The following ATP8B4 variants were observed in gnomAD, a reference collection of about 807,000 sequenced individuals.
ATP8B4 encodes the protein ATPase phospholipid transporting 8B4 (putative).
ATP8B4 carries 133 observed loss-of-function variants against 145.6 expected under a neutral mutation model. The observed-to-expected ratio is 0.91, with a 90% confidence interval of 0.79 to 1.05. ATP8B4 has a LOEUF of 1.05. Ranked by LOEUF, ATP8B4 falls within the 50% of genes least tolerant of loss-of-function variation. The probability of loss-of-function intolerance (pLI) is 0.00; values close to 1 mark genes in which losing one functional copy is unlikely to be tolerated. For missense variants in ATP8B4, 1,458 were observed against 1,425.2 expected (o/e 1.02, Z -0.37); for synonymous variants, 507 against 492.9 (o/e 1.03, Z -0.38).
chr15:50,068,294 G>A (rs1194304088), intron 3 of ATP8B4, among the ~76,000 whole-genome samples: 1 of 152,148 alleles, frequency 6.6e-6, no homozygotes, highest in Non-Finnish European at 1.5e-5. Flanking sequence ...TGACTGCTGG[G>A]GGTTGGAGGT....
At chr15:50,018,241 G>A (rs2049252772) in intron 6 of ATP8B4, among the ~76,000 whole-genome samples, 1 of 152,164 alleles carries the variant, frequency 6.6e-6, no homozygotes, top group South Asian at 2.1e-4. Context: ...GCCCGCCTCA[G>A]CCTCCCAAAG....
At position 50,074,161 on chromosome 15, in the gene ATP8B4, T is replaced by A. The variant is rs1337043231; in HGVS notation, c.53A>T (p.Asn18Ile). 6.2e-7 allele frequency: 1 copy of A among 1,613,184 alleles called. No individual in the cohort carries two copies. Among genetic ancestry groups the A allele is most frequent in the South Asian group, 1.1e-5 (1 of 91,012 alleles). ...LREVERIVKA[N>I]DREYNEKFQY... ...GAACTTTTCATTATATTCACGGTCA[T>A]TGGCTTTCACTATCCGTTCCACTTC... Residue 18 changes from asparagine (N) to isoleucine (I), a missense_variant, in exon 3 of 28, where the codon AAT becomes ATT. By Grantham distance (149) the Asn-to-Ile change is moderately radical. Coordinates refer to ENST00000284509, the MANE Select transcript of ATP8B4 (RefSeq NM_024837.4).
At position 49,934,026 on chromosome 15, in the gene ATP8B4, T is replaced by A. The variant is rs116566651; in HGVS notation, c.1444A>T (p.Asn482Tyr). 26 of 1,602,914 alleles carry A rather than the reference T, an allele frequency of 1.6e-5. No homozygotes were observed. In the African/African-American group the frequency reaches 3.4e-4, roughly 21 times the overall value. The change falls in exon 15 of 28, where the codon AAT (asparagine) becomes TAT (tyrosine). Residue 482 changes from asparagine (N) to tyrosine (Y), a missense_variant. Physicochemically the swap from Asn to Tyr is moderately radical, Grantham distance 143 (BLOSUM62 -2). Transcript: ENST00000284509. Reference protein sequence around the residue: ...ALCHTVMSEENSAGELIYQVQ... With the variant: ...ALCHTVMSEEYSAGELIYQVQ... Reference sequence around the variant, plus strand: ...ATAACTTTTCACTTACCTGCGCTATTCTCTTCTGACATTACAGTGTGGCAG... The same window carrying A: ...ATAACTTTTCACTTACCTGCGCTATACTCTTCTGACATTACAGTGTGGCAG...
chr15:49,907,643 A>G (rs1024515710), intron 20 of ATP8B4, among the ~76,000 whole-genome samples: 25 of 152,176 alleles, frequency 1.6e-4, no homozygotes, highest in African/African-American at 6.0e-4. Flanking sequence ...CCCCCAAATA[A>G]AATAAGATAT....
upstream of ATP8B4, among the ~76,000 whole-genome samples, chr15:50,123,836 T>C (rs2057289912): frequency 6.6e-6 from 1 of 152,164 alleles, no homozygotes; most frequent in Non-Finnish European, 1.5e-5. Context: ...TCCAACCATC[T>C]GTCTTCTCCT....
chr15:49,879,295 TTG>T (rs2035010351), intron 24 of ATP8B4, 79 bp downstream of exon 24: 1 of 1,246,626 alleles, frequency 8.0e-7, no homozygotes. Flanking sequence ...CTACTTAGAA[TTG>T]TGTTTTCTAC....
Position 49,879,362 on chromosome 15 carries a change from G to GA in ATP8B4, c.2781+13dup, listed in dbSNP as rs3840014. On this transcript the variant is annotated intron_variant, in intron 24 of 27. Transcript: ENST00000284509. ...AAAGAGAAACTAAGTTATAAAGATG[G>GA]AAAAAAAACATACCTGGTCAAAAAT... is the stretch of plus-strand genomic sequence containing the variant. The GA allele has an allele frequency of 1.1e-5, 18 of 1,593,278 alleles. No individual in the cohort carries two copies. Among genetic ancestry groups the GA allele is most frequent in the African/African-American group, 6.8e-5 (5 of 73,696 alleles).
At chr15:49,951,853 G>C (rs1474104512) in intron 14 of ATP8B4, among the ~76,000 whole-genome samples, 3 of 152,038 alleles carry the variant, frequency 2.0e-5, no homozygotes, top group African/African-American at 7.3e-5. Context: ...TCCATATTCA[G>C]TGTTTCTTTC....
At chr15:50,121,813 G>A (rs1404122408), upstream of ATP8B4, among the ~76,000 whole-genome samples, 1 of 152,094 alleles carries the variant, frequency 6.6e-6, no homozygotes, top group Admixed American at 6.6e-5. Flanking sequence ...TTTGACAAAC[G>A]TCCTTTATGT....
At position 49,947,822 on chromosome 15, in the gene ATP8B4, A is replaced by G. The variant is rs549899556; in HGVS notation, c.1288-13640T>C. Among the ~76,000 whole-genome samples the G allele has an allele frequency of 2.6e-3, 394 of 152,288 alleles. 1 individual carries two copies. The highest frequency in any genetic ancestry group is 9.0e-3 in the African/African-American group (374 of 41,560). On this transcript the variant is annotated intron_variant, in intron 14 of 27. Transcript: ENST00000284509. ...ATAGAGAACACAGAAATAAACCCAC[A>G]CATAAACAGATGAATGAATTTCAAC...
chr15:50,003,658 G>A (rs1034342849), intron 7 of ATP8B4, among the ~76,000 whole-genome samples: 1 of 152,116 alleles, frequency 6.6e-6, no homozygotes, highest in Non-Finnish European at 1.5e-5. Flanking sequence ...GTCAGTCTAT[G>A]GGCCTGCACC....
intron 1 of ATP8B4, among the ~76,000 whole-genome samples, chr15:50,163,513 T>C (rs1172973635): frequency 6.6e-6 from 1 of 152,212 alleles, no homozygotes; most frequent in East Asian, 1.9e-4. Flanking sequence ...GAGTTGCCTG[T>C]AGCTGAGTGA....
chr15:49,891,439 C>T (rs1051285797), intron 23 of ATP8B4, among the ~76,000 whole-genome samples: 1 of 152,124 alleles, frequency 6.6e-6, no homozygotes, highest in Non-Finnish European at 1.5e-5. Context: ...GATTCTCCTA[C>T]CTCAGCCTCC....
chr15:50,149,302 G>A (rs889508780), intron 1 of ATP8B4, among the ~76,000 whole-genome samples: 8 of 152,154 alleles, frequency 5.3e-5, no homozygotes, highest in Non-Finnish European at 1.2e-4. Context: ...GTAAGCTATA[G>A]GCCAGAAGTT....
At chr15:49,949,545 T>C (rs2042880376) in intron 14 of ATP8B4, among the ~76,000 whole-genome samples, 1 of 152,196 alleles carries the variant, frequency 6.6e-6, no homozygotes, top group South Asian at 2.1e-4. Flanking sequence ...CTGAAGTTGC[T>C]TATCAGTTCA....
At chr15:50,007,555 G>T (rs987869028) in intron 7 of ATP8B4, among the ~76,000 whole-genome samples, 3 of 152,214 alleles carry the variant, frequency 2.0e-5, no homozygotes, top group Non-Finnish European at 4.4e-5. Flanking sequence ...AGGATTAAAT[G>T]AGCTAATCAC....
intron 1 of ATP8B4, among the ~76,000 whole-genome samples, chr15:50,124,271 C>A (rs2153678277): frequency 6.6e-6 from 1 of 152,250 alleles, no homozygotes; most frequent in Admixed American, 6.5e-5. Context: ...CCCAATTTCC[C>A]CACCAATTAC....
intron 11 of ATP8B4, among the ~76,000 whole-genome samples, 195 bp from the exon 12 acceptor site, chr15:49,980,008 G>T (rs1034018217): frequency 1.3e-5 from 2 of 152,106 alleles, no homozygotes; most frequent in African/African-American, 4.8e-5. Context: ...CACTGAATTT[G>T]CCCATTGACT....
At chr15:49,865,262 A>G (rs1178513946) in intron 26 of ATP8B4, among the ~76,000 whole-genome samples, 2 of 152,232 alleles carry the variant, frequency 1.3e-5, no homozygotes, top group African/African-American at 2.4e-5. Flanking sequence ...CTGAACATGT[A>G]GAGGTTCCTG....
Sources: gnomAD v4.1 joint callset for allele counts (sites outside exome capture counted in the v4.1 genomes callset) on GRCh38, gnomAD v4.1.1 for gene constraint, MANE v1.5 for transcripts, NCBI Gene and HGNC (gene_info 2026-07-23, HGNC 2026-07-21) for gene names.